Variants in HACD4 observed in about 807,000 individuals in gnomAD.
HACD4 encodes the protein 3-hydroxyacyl-CoA dehydratase 4.
In HACD4, 35 loss-of-function variants were observed where a neutral mutation model predicts 33.3. That is an observed-to-expected ratio of 1.05 (90% confidence interval 0.80 to 1.39). HACD4 has a LOEUF of 1.39. Ranked by LOEUF, HACD4 falls within the 40% of genes most tolerant of loss-of-function variation. HACD4 has a pLI of 0.00. For missense variants in HACD4, 323 were observed against 276.5 expected, an observed-to-expected ratio of 1.17 and a Z score of -1.19; for synonymous variants, 118 against 98.0, an observed-to-expected ratio of 1.20 and a Z score of -1.21.
Position 21,029,323 on chromosome 9 carries a change from CA to C in HACD4, c.113del (p.Met38ArgfsTer23). On this transcript the variant is annotated frameshift_variant, in exon 2 of 7. Transcript: ENST00000495827. LOFTEE classifies it high-confidence loss of function. ...TTCCAAATGAAAAGAATCTGACTGT[CA>C]TATTTGTAAATATCCAAGAGTGGCC... is the stretch of plus-strand genomic sequence containing the variant. ...FCGHSWIFTNMTVRFFSFGKD... is the reference protein window; with the variant it reads ...FCGHSWIFTNXTVRFFSFGKD... The C allele has an allele frequency of 6.3e-7, 1 of 1,592,582 alleles. No homozygotes were observed. Among genetic ancestry groups the C allele is most frequent in the Non-Finnish European group, 8.6e-7 (1 of 1,164,732 alleles).
intron 3 of HACD4, among the ~76,000 whole-genome samples, chr9:21,020,932 G>T (rs1406320167): frequency 6.6e-6 from 1 of 151,870 alleles, no homozygotes; most frequent in East Asian, 1.9e-4. Context: ...ATTCATAATG[G>T]TTTCTCCCTA....
chr9:21,010,906 T>G (rs1168963905), intron 5 of HACD4, among the ~76,000 whole-genome samples: 1 of 152,092 alleles, frequency 6.6e-6, no homozygotes, highest in East Asian at 1.9e-4. Flanking sequence ...ATCTGATGCC[T>G]CCACTGATCT....
chr9:21,027,734 G>A (rs1397156066), intron 2 of HACD4, among the ~76,000 whole-genome samples: 7 of 152,218 alleles, frequency 4.6e-5, no homozygotes, highest in African/African-American at 1.7e-4. Context: ...TTCAAAAATT[G>A]TACTGAAACC....
intron 3 of HACD4, among the ~76,000 whole-genome samples, 178 bp from the exon 4 acceptor site, chr9:21,016,188 C>A (rs984167119): frequency 2.0e-5 from 3 of 152,154 alleles, no homozygotes. Flanking sequence ...TTCAGTTCCT[C>A]ATTTGTCTAT....
chr9:21,011,060 T>C (rs1297908079), intron 5 of HACD4, among the ~76,000 whole-genome samples: 1 of 152,088 alleles, frequency 6.6e-6, no homozygotes, highest in Admixed American at 6.6e-5. Context: ...ATGGCCTAGT[T>C]TGGGGGCCCC....
chr9:21,018,707 G>A (rs1186021367), intron 3 of HACD4, among the ~76,000 whole-genome samples: 2 of 152,076 alleles, frequency 1.3e-5, no homozygotes, highest in African/African-American at 4.8e-5. Flanking sequence ...ACTCAAACAG[G>A]TAGAGTAAAA....
chr9:21,014,176 G>GA (rs895593306), intron 4 of HACD4, among the ~76,000 whole-genome samples: 36 of 151,866 alleles, frequency 2.4e-4, no homozygotes, highest in Admixed American at 1.1e-3. Context: ...TTTTACAGAG[G>GA]AAAAAAAAGT....
chr9:21,022,846 G>C (rs1488131367), intron 3 of HACD4, among the ~76,000 whole-genome samples: 1 of 151,890 alleles, frequency 6.6e-6, no homozygotes, highest in Non-Finnish European at 1.5e-5. Context: ...AATACCATTT[G>C]ACCCAGCCAT....
intron 2 of HACD4, 84 bp downstream of exon 2, chr9:21,029,211 G>T: frequency 1.3e-6 from 1 of 768,276 alleles, no homozygotes; most frequent in Non-Finnish European, 2.2e-6. Flanking sequence ...AGAAGGTTGA[G>T]GTGTGTAGAA....
Position 21,006,645 on chromosome 9 carries a change from G to A in HACD4, c.*392C>T, listed in dbSNP as rs987604292. 1 of 236,482 alleles carries A rather than the reference G, an allele frequency of 4.2e-6. No individual in the cohort carries two copies. Among genetic ancestry groups the A allele is most frequent in the Non-Finnish European group, 8.2e-6 (1 of 121,578 alleles). The allele number at this position is 236,482 out of a possible 1,614,324, so 14.6% of individuals were successfully genotyped here. A position where few individuals can be genotyped will look rare whatever the true frequency, so the allele number is the denominator to read the frequency against. Reference sequence around the variant, plus strand: ...TCCCTCTTCTCCTACAGATCTATTTGGGAACTTGGAAGTGAAAAAGAATAC... The same window carrying A: ...TCCCTCTTCTCCTACAGATCTATTTAGGAACTTGGAAGTGAAAAAGAATAC... On this transcript the variant is annotated 3_prime_UTR_variant, in exon 7 of 7. Transcript: ENST00000495827. The surrounding 1 kb of genome is among the most constrained non-coding windows in gnomAD (Gnocchi z 4.6).
intron 4 of HACD4, among the ~76,000 whole-genome samples, chr9:21,013,721 G>C (rs1842491859): frequency 6.6e-6 from 1 of 152,040 alleles, no homozygotes; most frequent in Non-Finnish European, 1.5e-5. Flanking sequence ...CTTTTGTCAA[G>C]TTTATTCCTA....
At chr9:21,023,111 C>T (rs534986192) in intron 3 of HACD4, among the ~76,000 whole-genome samples, 239 of 150,936 alleles carry the variant, frequency 1.6e-3, no homozygotes, top group Non-Finnish European at 2.3e-3. Flanking sequence ...AGCAAACTAT[C>T]GCAAGGACAG....
In HACD4 at chr9:21,009,188, C is replaced by T. The variant is rs1006668766; in HGVS notation, c.491-1042G>A. 7.2e-5 allele frequency among the ~76,000 whole-genome samples: 11 copies of T among 152,230 alleles called. No homozygotes were observed. The East Asian group carries it at 1.7e-3, about 24-fold the overall frequency. The stretch of plus-strand genomic sequence containing the variant: ...TCGAAAGTTTAGTAGGTTTATTTAA[C>T]TGCGCAGTTTTATACTTTGGGACAT... On this transcript the variant is annotated intron_variant, in intron 5 of 6. Transcript: ENST00000495827.
At chr9:21,021,915 T>C (rs1817924475) in intron 3 of HACD4, among the ~76,000 whole-genome samples, 1 of 152,030 alleles carries the variant, frequency 6.6e-6, no homozygotes, top group Non-Finnish European at 1.5e-5. Flanking sequence ...AGAGCCCGCA[T>C]CACCAAGACA....
chr9:21,020,096 T>A (rs7871629), intron 3 of HACD4, among the ~76,000 whole-genome samples: 92,058 of 151,886 alleles, frequency 0.61, 28,552 homozygotes, highest in South Asian at 0.69. Context: ...ACAGAAACAG[T>A]TTATGTGATT....
At chr9:21,014,017 ATAT>A (rs1842499282) in intron 4 of HACD4, among the ~76,000 whole-genome samples, 1 of 152,026 alleles carries the variant, frequency 6.6e-6, no homozygotes. Flanking sequence ...TTGTTCCTGG[ATAT>A]TAGGAGGAAG....
chr9:21,014,915 G>A (rs1842520620), intron 4 of HACD4, among the ~76,000 whole-genome samples: 1 of 152,048 alleles, frequency 6.6e-6, no homozygotes, highest in Non-Finnish European at 1.5e-5. Flanking sequence ...CTCTGACACT[G>A]AAAGAGTAAG....
intron 3 of HACD4, among the ~76,000 whole-genome samples, chr9:21,025,580 T>C (rs996857836): frequency 1.3e-5 from 2 of 152,234 alleles, no homozygotes; most frequent in African/African-American, 4.8e-5. Context: ...CGTGTTCTTA[T>C]AGTTGCCTAA....
At chr9:21,028,437 T>G (rs1818120823) in intron 2 of HACD4, among the ~76,000 whole-genome samples, 1 of 152,218 alleles carries the variant, frequency 6.6e-6, no homozygotes, top group African/African-American at 2.4e-5. Context: ...TTGGAGGTCC[T>G]TAACAAAGGC....
Sources: allele counts gnomAD v4.1 joint callset (sites outside exome capture counted in the v4.1 genomes callset), GRCh38; gene constraint gnomAD v4.1.1; non-coding constraint Gnocchi (gnomAD v3.1); transcripts MANE v1.5; gene names NCBI Gene and HGNC (gene_info 2026-07-23, HGNC 2026-07-21).